The following CDC42BPB variants were observed in gnomAD, a reference collection of about 807,000 sequenced individuals.
The protein encoded by CDC42BPB is serine/threonine-protein kinase MRCK beta.
A neutral mutation model predicts 214.9 loss-of-function variants in CDC42BPB; 37 were observed. The observed-to-expected ratio is 0.17, with a 90% CI of 0.13 to 0.23. CDC42BPB has a LOEUF of 0.23. Ranked by LOEUF, CDC42BPB falls within the 10% of genes least tolerant of loss-of-function variation. CDC42BPB has a pLI of 1.00. For synonymous variants in CDC42BPB, 931 were observed against 884.0 expected (o/e 1.05, Z -0.94); for missense variants, 1,694 against 2,227.0 (o/e 0.76, Z 4.82).
At position 102,954,340 on chromosome 14, in the gene CDC42BPB, C is replaced by T. The variant is rs541052638; in HGVS notation, c.2989-65G>A. On this transcript the variant is annotated intron_variant, in intron 22 of 36. Transcript: ENST00000361246. ...AGCATGGCTGAGACACCTGGCCCTA[C>T]GGGGTGCACTTCTCTCAAGAATGTG... 6.7e-5 allele frequency: 96 copies of T among 1,439,610 alleles called. No individual in the cohort carries two copies. In the South Asian group the frequency reaches 9.0e-4, roughly 13 times the overall value. 89.2% of individuals were successfully genotyped at this position (1,439,610 alleles called of 1,614,324 possible).
chr14:102,968,534 C>T lies in CDC42BPB; in HGVS notation c.2178G>A (p.Gln726=), dbSNP rs1893326810. Residue 726 remains glutamine, a synonymous_variant, in exon 15 of 37, where the codon CAG becomes CAA. Transcript: ENST00000361246. ...KKEVHDSESH[Q]LALQKEILML... is the part of the protein sequence containing the mutation. Reference sequence around the variant, plus strand: ...TCAAGATTTCTTTCTGCAGGGCCAGCTGGTGGCTTTCTGAATCATGCACCT... The same window carrying T: ...TCAAGATTTCTTTCTGCAGGGCCAGTTGGTGGCTTTCTGAATCATGCACCT... 6.2e-7 allele frequency: 1 copy of T among 1,614,114 alleles called. No homozygotes were observed. Among genetic ancestry groups the T allele is most frequent in the Non-Finnish European group, 8.5e-7 (1 of 1,180,060 alleles).
intron 7 of CDC42BPB, chr14:102,981,278 A>C: frequency 1.3e-6 from 1 of 778,012 alleles, no homozygotes; most frequent in Non-Finnish European, 1.6e-6. Flanking sequence ...GGAAGTGGCA[A>C]GGAATGTGGG....
At chr14:103,047,387 A>G (rs963106198) in intron 1 of CDC42BPB, among the ~76,000 whole-genome samples, 21 of 152,160 alleles carry the variant, frequency 1.4e-4, no homozygotes, top group Admixed American at 6.6e-4. Context: ...AGACCCACCA[A>G]AGAACATTAG....
chr14:103,024,179 C>T (rs1019744630), intron 1 of CDC42BPB, among the ~76,000 whole-genome samples: 2 of 152,184 alleles, frequency 1.3e-5, no homozygotes, highest in East Asian at 1.9e-4. Flanking sequence ...GGAAGAGAAC[C>T]GTCTACGCAT....
At position 102,953,237 on chromosome 14, in the gene CDC42BPB, T is replaced by C. The variant is rs12590818; in HGVS notation, c.3067-634A>G. ...AGGAAACAGATGTGGGTGAGACCAC[T>C]TGCAAGAAGTAGGGGAGTGACCGAC... On this transcript the variant is annotated intron_variant, in intron 23 of 36. Transcript: ENST00000361246. Among the ~76,000 whole-genome samples, 341 of 152,262 alleles carry C rather than the reference T, an allele frequency of 2.2e-3. 14 individuals carry two copies. In the East Asian group the frequency reaches 0.06, roughly 27 times the overall value.
Position 103,033,826 on chromosome 14 carries a change from G to T in CDC42BPB, c.176-21638C>A, listed in dbSNP as rs146014624. ...GAAGATTGAATCGAAATCACTACAAGCTCCTGCCCCAAACCACACAGCAGT... is the reference window on the plus strand; with the variant it reads ...GAAGATTGAATCGAAATCACTACAATCTCCTGCCCCAAACCACACAGCAGT... On this transcript the variant is annotated intron_variant, in intron 1 of 36. Coordinates refer to ENST00000361246, the MANE Select transcript of CDC42BPB (RefSeq NM_006035.4). 3.7e-3 allele frequency among the ~76,000 whole-genome samples: 556 copies of T among 152,276 alleles called. 2 individuals carry two copies. Among genetic ancestry groups the T allele is most frequent in the African/African-American group, 0.013 (523 of 41,558 alleles).
chr14:103,045,969 C>T (rs1888261182), intron 1 of CDC42BPB, among the ~76,000 whole-genome samples: 1 of 152,136 alleles, frequency 6.6e-6, no homozygotes, highest in African/African-American at 2.4e-5. Flanking sequence ...CACGATTTTG[C>T]AGAGTGGGAA....
At position 103,025,502 on chromosome 14, in the gene CDC42BPB, A is replaced by G. The variant is rs56200659; in HGVS notation, c.176-13314T>C. ...TAGTATTCATGTAATGAACTAGTAC[A>G]CATTAAAAAAAAAAAAAGAAAAAAA... On this transcript the variant is annotated intron_variant, in intron 1 of 36. Transcript: ENST00000361246. Among the ~76,000 whole-genome samples, 8 of 151,420 alleles carry G rather than the reference A, an allele frequency of 5.3e-5. No homozygotes were observed. The East Asian group carries it at 9.7e-4, about 18-fold the overall frequency.
intron 29 of CDC42BPB, chr14:102,945,434 C>T (rs1012735766): frequency 1.8e-6 from 1 of 561,674 alleles, no homozygotes; most frequent in Non-Finnish European, 3.3e-6. Context: ...TCCTTGACCC[C>T]CCACCCACTC....
In CDC42BPB at chr14:103,008,569, G is replaced by T; in HGVS notation, c.268-14C>A. 2 of 1,599,566 alleles carry T rather than the reference G, an allele frequency of 1.3e-6. No individual in the cohort carries two copies. The highest frequency in any genetic ancestry group is 1.7e-6 in the Non-Finnish European group (2 of 1,166,702). On this transcript the variant is annotated splice_polypyrimidine_tract_variant and intron_variant, in intron 2 of 36. Coordinates refer to ENST00000361246, the MANE Select transcript of CDC42BPB (RefSeq NM_006035.4). ...GACAACAGCAACCTGCAGTGCAAAT[G>T]TGAGTTGAACAAAGATGCGGTTCTT...
intron 1 of CDC42BPB, among the ~76,000 whole-genome samples, chr14:103,047,362 G>A (rs532615330): frequency 6.6e-6 from 1 of 150,448 alleles, no homozygotes; most frequent in Admixed American, 6.6e-5. Flanking sequence ...AAGGACCCAA[G>A]CGTCCCAATC....
At chr14:103,017,767 T>G (rs1886547029) in intron 1 of CDC42BPB, among the ~76,000 whole-genome samples, 2 of 152,182 alleles carry the variant, frequency 1.3e-5, no homozygotes, top group South Asian at 4.1e-4. Flanking sequence ...GGTCATGGTG[T>G]GTGTGGCTCT....
At chr14:102,974,361 G>T (rs1893639918) in intron 11 of CDC42BPB, 1 of 983,454 alleles carries the variant, frequency 1.0e-6, no homozygotes, top group Non-Finnish European at 1.2e-6. Context: ...TGCTGAACAG[G>T]CTCCCTAGAC....
Position 103,057,227 on chromosome 14 carries a change from G to A in CDC42BPB, c.-54C>T, listed in dbSNP as rs1193447689. On this transcript the variant is annotated 5_prime_UTR_variant, in exon 1 of 37. Transcript: ENST00000361246. ...CGGCCTCTCACCGCCGGCTCGGCCAGTCCGTCAGGGCGCGCCCTCGGGGGC... is the reference window on the plus strand; with the variant it reads ...CGGCCTCTCACCGCCGGCTCGGCCAATCCGTCAGGGCGCGCCCTCGGGGGC... 13 of 1,263,132 alleles carry A rather than the reference G, an allele frequency of 1.0e-5. No individual in the cohort carries two copies. The highest frequency in any genetic ancestry group is 1.3e-5 in the Non-Finnish European group (13 of 1,001,854). 78.2% of individuals were successfully genotyped at this position (1,263,132 alleles called of 1,614,324 possible). A position where few individuals can be genotyped will look rare whatever the true frequency, so the allele number is the denominator to read the frequency against.
chr14:102,959,214 T>C (rs922335149), intron 21 of CDC42BPB, among the ~76,000 whole-genome samples: 1 of 151,310 alleles, frequency 6.6e-6, no homozygotes, highest in African/African-American at 2.4e-5. Context: ...GGAGAATCAC[T>C]TGAACCCGGG....
intron 1 of CDC42BPB, among the ~76,000 whole-genome samples, chr14:103,022,937 C>CT (rs1347790095): frequency 6.6e-6 from 1 of 152,084 alleles, no homozygotes; most frequent in Non-Finnish European, 1.5e-5. Context: ...CACCAGTTCT[C>CT]TTAAGAACTG....
chr14:103,031,756 C>G (rs1271680714), intron 1 of CDC42BPB, among the ~76,000 whole-genome samples: 1 of 152,136 alleles, frequency 6.6e-6, no homozygotes, highest in East Asian at 1.9e-4. Context: ...AATGCCCAAC[C>G]CGTCTGGCTT....
At chr14:102,990,367 G>A (rs181406936) in intron 5 of CDC42BPB, among the ~76,000 whole-genome samples, 16 of 152,330 alleles carry the variant, frequency 1.1e-4, no homozygotes, top group Non-Finnish European at 4.4e-5. Flanking sequence ...CGGAATGCCT[G>A]CGGGCAGGTT....
chr14:103,032,751 G>A (rs1316228459), intron 1 of CDC42BPB, among the ~76,000 whole-genome samples: 1 of 148,818 alleles, frequency 6.7e-6, no homozygotes, highest in Non-Finnish European at 1.5e-5. Context: ...TCCTGCCCCA[G>A]CCTCCTGAGT....
Sources: gnomAD v4.1 joint callset for allele counts (sites outside exome capture counted in the v4.1 genomes callset) on GRCh38, gnomAD v4.1.1 for gene constraint, MANE v1.5 for transcripts, NCBI Gene and HGNC (gene_info 2026-07-23, HGNC 2026-07-21) for gene names.